The following ANKRD31 variants were observed in gnomAD, a reference collection of about 807,000 sequenced individuals.
The protein encoded by ANKRD31 is ankyrin repeat domain 31.
In ANKRD31, 147 loss-of-function variants were observed where a neutral mutation model predicts 186.0. The ratio of observed to expected loss-of-function variants is 0.79; its 90% CI spans 0.69 to 0.91. The LOEUF (loss-of-function observed/expected upper bound fraction) is 0.91, where lower values mean the gene tolerates loss of function less well. ANKRD31 is among the 40% of genes least tolerant of loss of function. The pLI is 0.00. For missense variants in ANKRD31, 1,986 were observed against 2,148.8 expected (o/e 0.92, Z 1.50); for synonymous variants, 673 against 736.4 (o/e 0.91, Z 1.39).
intron 10 of ANKRD31, among the ~76,000 whole-genome samples, chr5:75,187,010 TATGAGACACAGA>T (rs370693826): frequency 6.8e-6 from 1 of 146,932 alleles, no homozygotes. Flanking sequence ...TGTGTGTGTG[TATGAGACACAGA>T]GTGTGTGTGT....
chr5:75,106,127 CA>C (rs1470634117), intron 21 of ANKRD31, among the ~76,000 whole-genome samples: 4 of 152,064 alleles, frequency 2.6e-5, no homozygotes, highest in Non-Finnish European at 5.9e-5. Flanking sequence ...AAAGAATACA[CA>C]ACACATTCTA....
At chr5:75,133,881 A>T (rs11711258) in intron 17 of ANKRD31, among the ~76,000 whole-genome samples, 1 of 152,176 alleles carries the variant, frequency 6.6e-6, no homozygotes, top group Non-Finnish European at 1.5e-5. Flanking sequence ...CCGCTCAAAT[A>T]CATGGAAACT....
chr5:75,166,831 A>G (rs149411527), intron 11 of ANKRD31, among the ~76,000 whole-genome samples: 1 of 152,222 alleles, frequency 6.6e-6, no homozygotes, highest in East Asian at 1.9e-4. Context: ...CTTTTTGCAC[A>G]TTTTCTAAGG....
chr5:75,230,412 T>C, intron 2 of ANKRD31, 150 bp downstream of exon 2: 1 of 581,438 alleles, frequency 1.7e-6, no homozygotes, highest in Non-Finnish European at 2.9e-6. Flanking sequence ...AAAACTTAAC[T>C]GTTATTTATA....
At chr5:75,206,651 A>T (rs1756267721) in intron 4 of ANKRD31, among the ~76,000 whole-genome samples, 164 bp from the exon 5 acceptor site, 1 of 152,122 alleles carries the variant, frequency 6.6e-6, no homozygotes, top group African/African-American at 2.4e-5. Flanking sequence ...CAATTTGTTA[A>T]CATTTTCATT....
Position 75,104,496 on chromosome 5 carries a change from G to A in ANKRD31, c.5063C>T (p.Ala1688Val). Residue 1688 changes from alanine to valine, a missense_variant, in exon 22 of 26, where the codon GCA (alanine) becomes GTA (valine). Physicochemically the swap from Ala to Val is moderately conservative, Grantham distance 64. Transcript: ENST00000506364. The stretch of plus-strand genomic sequence containing the variant: ...CCCTTGATGTGCCAGAGATTCTGAT[G>A]CCCCTGTAGGTGATTGCTGGGAACT... Reference protein sequence around the residue: ...KTSSQQSPTGASESLAHQGIA... With the variant: ...KTSSQQSPTGVSESLAHQGIA... 1 of 1,537,176 alleles carries A rather than the reference G, an allele frequency of 6.5e-7. No individual in the cohort carries two copies. The highest frequency in any genetic ancestry group is 8.7e-7 in the Non-Finnish European group (1 of 1,146,900).
chr5:75,194,279 G>A (rs1444011720), intron 7 of ANKRD31, among the ~76,000 whole-genome samples: 1 of 151,818 alleles, frequency 6.6e-6, no homozygotes, highest in African/African-American at 2.4e-5. Context: ...TACTTAAGAG[G>A]GTTTATTTTT....
At position 75,236,763 on chromosome 5, in the gene ANKRD31, C is replaced by T; in HGVS notation, c.-77G>A. ...CGCAAACAAAAAAACGCTTTGAGGG[C>T]CAGGGGAAATTGTGAATTAAAAATA... On this transcript the variant is annotated 5_prime_UTR_variant, in exon 1 of 26. Coordinates refer to ENST00000506364, the MANE Select transcript of ANKRD31 (RefSeq NM_001372053.1). The T allele has an allele frequency of 1.8e-6, 2 of 1,112,148 alleles. No individual in the cohort carries two copies. Among genetic ancestry groups the T allele is most frequent in the South Asian group, 2.9e-5 (2 of 67,998 alleles). 68.9% of individuals were successfully genotyped at this position (1,112,148 alleles called of 1,614,324 possible). A position where few individuals can be genotyped will look rare whatever the true frequency, so the allele number is the denominator to read the frequency against.
chr5:75,152,125 G>C (rs1751882167), intron 12 of ANKRD31, among the ~76,000 whole-genome samples: 1 of 152,004 alleles, frequency 6.6e-6, no homozygotes, highest in Non-Finnish European at 1.5e-5. Context: ...CTAGATCCCT[G>C]GAGCTGCTTT....
At chr5:75,100,518 TG>T in intron 22 of ANKRD31, among the ~76,000 whole-genome samples, 1 of 152,290 alleles carries the variant, frequency 6.6e-6, no homozygotes, top group East Asian at 1.9e-4. Context: ...ATGTTGACAG[TG>T]GGGTGTTAAA....
chr5:75,196,041 T>C lies in ANKRD31; in HGVS notation c.607A>G (p.Met203Val). Residue 203 changes from methionine to valine, a missense_variant, in exon 7 of 26, where the codon ATG becomes GTG. Physicochemically the swap from Met to Val is conservative, Grantham distance 21. Transcript: ENST00000506364. ...TFFEPRKEVT[M>V]TMTSEETKDE... ...TTAGTTTCTTCAGAAGTCATGGTCA[T>C]TGTGACTTCCTTTCTAGGCTCAAAA... 2.0e-6 allele frequency: 3 copies of C among 1,536,350 alleles called. No individual in the cohort carries two copies. Among genetic ancestry groups the C allele is most frequent in the Non-Finnish European group, 8.7e-7 (1 of 1,146,558 alleles).
intron 9 of ANKRD31, among the ~76,000 whole-genome samples, chr5:75,189,751 G>T (rs1051296419): frequency 4.6e-5 from 7 of 152,120 alleles, no homozygotes; most frequent in African/African-American, 1.7e-4. Flanking sequence ...GATTTCTGTA[G>T]ATGTCCATTG....
At chr5:75,172,088 C>A (rs1206311350) in intron 10 of ANKRD31, among the ~76,000 whole-genome samples, 1 of 151,778 alleles carries the variant, frequency 6.6e-6, no homozygotes, top group Non-Finnish European at 1.5e-5. Flanking sequence ...AAAAAAATCA[C>A]AGACAAAAGA....
intron 25 of ANKRD31, among the ~76,000 whole-genome samples, chr5:75,075,002 C>T (rs1230213305): frequency 6.6e-6 from 1 of 152,134 alleles, no homozygotes; most frequent in Non-Finnish European, 1.5e-5. Context: ...AAATTGTTTG[C>T]TTTTTCTTTT....
At chr5:75,138,759 G>C (rs1408227684) in intron 16 of ANKRD31, 87 bp downstream of exon 16, 1 of 1,344,430 alleles carries the variant, frequency 7.4e-7, no homozygotes, top group East Asian at 2.6e-5. Context: ...TATCAGCCAG[G>C]AACAAATTGG....
intron 19 of ANKRD31, among the ~76,000 whole-genome samples, chr5:75,115,848 T>C (rs1400767386): frequency 1.3e-5 from 2 of 152,076 alleles, no homozygotes; most frequent in Admixed American, 6.5e-5. Flanking sequence ...CAAGTCAGTG[T>C]GGCGATTCCT....
intron 1 of ANKRD31, among the ~76,000 whole-genome samples, chr5:75,233,483 C>A (rs960338729): frequency 1.3e-5 from 2 of 151,988 alleles, no homozygotes; most frequent in East Asian, 1.9e-4. Context: ...ATATTTAATT[C>A]TTAGGCTTAA....
At chr5:75,131,307 AG>A (rs1749801154) in intron 17 of ANKRD31, among the ~76,000 whole-genome samples, 1 of 152,090 alleles carries the variant, frequency 6.6e-6, no homozygotes, top group Admixed American at 6.5e-5. Context: ...AGAGCGAGCG[AG>A]GGTTGCTAGC....
intron 8 of ANKRD31, 49 bp downstream of exon 8, chr5:75,193,262 A>G (rs1318095057): frequency 2.7e-6 from 4 of 1,500,398 alleles, no homozygotes; most frequent in Non-Finnish European, 3.6e-6. Context: ...ATAATTATCT[A>G]TAATGTCTAT....
Sources: allele counts gnomAD v4.1 joint callset (sites outside exome capture counted in the v4.1 genomes callset), GRCh38; gene constraint gnomAD v4.1.1; transcripts MANE v1.5; gene names NCBI Gene and HGNC (gene_info 2026-07-23, HGNC 2026-07-21).